Variants in COX16 observed in about 807,000 individuals in gnomAD.
COX16 encodes the protein cytochrome c oxidase assembly protein COX16 homolog, mitochondrial.
Under a neutral mutation model 15.4 loss-of-function variants are expected in COX16, and 12 were observed. That is an observed-to-expected ratio of 0.78 (90% confidence interval 0.50 to 1.26). The LOEUF is 1.26. Ranked by LOEUF, COX16 falls within the 50% of genes most tolerant of loss-of-function variation. The pLI is 0.00. For synonymous variants in COX16, 46 were observed against 41.1 expected, an observed-to-expected ratio of 1.12 and a Z score of -0.46; for missense variants, 124 against 127.6, an observed-to-expected ratio of 0.97 and a Z score of 0.14.
In COX16 at chr14:70,328,864, G is replaced by A. The variant is rs899037859; in HGVS notation, c.204+310C>T. 6.6e-5 allele frequency among the ~76,000 whole-genome samples: 10 copies of A among 151,606 alleles called. No homozygotes were observed. In the East Asian group the frequency reaches 1.9e-3, roughly 29 times the overall value. ...GAACCCATTGATCTTTACTTTTAGAGCTTCTGGGTTTTATATCACATTTAA... is the reference window on the plus strand; with the variant it reads ...GAACCCATTGATCTTTACTTTTAGAACTTCTGGGTTTTATATCACATTTAA... On this transcript the variant is annotated intron_variant, in intron 3 of 3. Coordinates refer to ENST00000389912, the MANE Select transcript of COX16 (RefSeq NM_016468.7).
At chr14:70,337,259 A>C (rs971716177) in intron 2 of COX16, among the ~76,000 whole-genome samples, 2 of 152,164 alleles carry the variant, frequency 1.3e-5, no homozygotes, top group Admixed American at 6.5e-5. Flanking sequence ...ATGTAGGTCC[A>C]TGGACATTAT....
At position 70,353,726 on chromosome 14, in the gene COX16, G is replaced by A. The variant is rs528798470; in HGVS notation, c.69+5793C>T. Among the ~76,000 whole-genome samples the A allele has an allele frequency of 1.6e-4, 25 of 152,088 alleles. No individual in the cohort carries two copies. The South Asian group carries it at 5.0e-3, about 30-fold the overall frequency. ...GACAGGGTTTCACCATATTGGCCAG[G>A]ATGGTCTCAAACTCCTGACCTTGTG... is the stretch of plus-strand genomic sequence containing the variant. On this transcript the variant is annotated intron_variant, in intron 1 of 3. Coordinates refer to ENST00000389912, the MANE Select transcript of COX16 (RefSeq NM_016468.7).
intron 3 of COX16, among the ~76,000 whole-genome samples, chr14:70,327,783 A>G (rs1193266812): frequency 6.6e-6 from 1 of 152,200 alleles, no homozygotes; most frequent in Non-Finnish European, 1.5e-5. Flanking sequence ...ATCTTTGGTG[A>G]AGGAGATTCC....
At chr14:70,357,188 A>AAAAAAAAAAAC (rs1887155582) in intron 1 of COX16, among the ~76,000 whole-genome samples, 1 of 145,120 alleles carries the variant, frequency 6.9e-6, no homozygotes, top group Non-Finnish European at 1.5e-5. Flanking sequence ...AAAAAAAAAA[A>AAAAAAAAAAAC]AAATTCAGAG....
intron 1 of COX16, among the ~76,000 whole-genome samples, chr14:70,357,725 T>C (rs1393123142): frequency 2.6e-5 from 4 of 152,216 alleles, no homozygotes; most frequent in African/African-American, 9.6e-5. Context: ...GAAAGGGTAA[T>C]AATTCAAAAG....
chr14:70,351,612 T>C (rs908221107), intron 1 of COX16, among the ~76,000 whole-genome samples: 1 of 152,204 alleles, frequency 6.6e-6, no homozygotes, highest in African/African-American at 2.4e-5. Context: ...ATTAAAACTA[T>C]TCTTTGGTGT....
chr14:70,341,458 A>T (rs1345506136), intron 2 of COX16, among the ~76,000 whole-genome samples: 1 of 152,188 alleles, frequency 6.6e-6, no homozygotes, highest in Non-Finnish European at 1.5e-5. Context: ...AAAACTACAA[A>T]TATCAGATAT....
intron 2 of COX16, among the ~76,000 whole-genome samples, chr14:70,329,534 A>G (rs1886212078): frequency 1.3e-5 from 2 of 152,088 alleles, no homozygotes; most frequent in Non-Finnish European, 2.9e-5. Context: ...GGAATATGGG[A>G]CACGGGGTTT....
At position 70,326,053 on chromosome 14, in the gene COX16, G is replaced by GA. The variant is rs576050666; in HGVS notation, c.*279dup. ...GGAATATGTGGGTAGTTGGAGAGTG[G>GA]AATACGTGACTCTGTTTTTGGAGCA... is the stretch of plus-strand genomic sequence containing the variant. On this transcript the variant is annotated 3_prime_UTR_variant, in exon 4 of 4. Coordinates refer to ENST00000389912, the MANE Select transcript of COX16 (RefSeq NM_016468.7). 121 of 183,156 alleles carry GA rather than the reference G, an allele frequency of 6.6e-4. No individual in the cohort carries two copies. Among genetic ancestry groups the GA allele is most frequent in the African/African-American group, 2.7e-3 (114 of 42,696 alleles). The allele number at this position is 183,156 out of a possible 1,614,324, so 11.3% of individuals were successfully genotyped here.
At chr14:70,346,821 A>G (rs552667944) in intron 1 of COX16, among the ~76,000 whole-genome samples, 207 of 152,098 alleles carry the variant, frequency 1.4e-3, no homozygotes, top group African/African-American at 4.7e-3. Context: ...TGCTCCCTGC[A>G]CACCTTTTCC....
intron 1 of COX16, among the ~76,000 whole-genome samples, chr14:70,358,890 A>G (rs1024200610): frequency 6.6e-6 from 1 of 152,232 alleles, no homozygotes; most frequent in Non-Finnish European, 1.5e-5. Flanking sequence ...GAAACCATAT[A>G]AACACGGAAG....
At chr14:70,340,496 A>G (rs58854929) in intron 2 of COX16, among the ~76,000 whole-genome samples, 10,770 of 152,274 alleles carry the variant, frequency 0.071, 438 homozygotes, top group Middle Eastern at 0.12. Context: ...TTTTTGTATT[A>G]CATACATTAG....
chr14:70,344,269 G>A (rs530299896), intron 1 of COX16, among the ~76,000 whole-genome samples: 33 of 152,352 alleles, frequency 2.2e-4, no homozygotes, highest in Admixed American at 8.5e-4. Flanking sequence ...TAGCTAATTT[G>A]TTGGTCCTGC....
At chr14:70,357,147 GA>G (rs1397453585) in intron 1 of COX16, among the ~76,000 whole-genome samples, 2 of 97,932 alleles carry the variant, frequency 2.0e-5, no homozygotes, top group Admixed American at 3.2e-4. Flanking sequence ...CTTCTCCTAG[GA>G]AGCGTTTGTC....
At chr14:70,335,602 T>A (rs1485133341) in intron 2 of COX16, among the ~76,000 whole-genome samples, 1 of 83,906 alleles carries the variant, frequency 1.2e-5, no homozygotes, top group African/African-American at 7.2e-5. Flanking sequence ...GACCAAAGAG[T>A]TAAAAAAAAA....
intron 1 of COX16, among the ~76,000 whole-genome samples, chr14:70,352,062 T>TG (rs145175325): frequency 0.02 from 2,997 of 152,306 alleles, 66 homozygotes; most frequent in African/African-American, 0.05. Context: ...TGTGGTAAAT[T>TG]TCATGTGATT....
chr14:70,338,939 A>G lies in COX16; in HGVS notation c.141+3719T>C, dbSNP rs926194462. On this transcript the variant is annotated intron_variant, in intron 2 of 3. Transcript: ENST00000389912. ...TTATTTAACTCCTTAATCCAGTTGT[A>G]TGTGTCCTTCCATATGTCATTAAAG... 3.9e-5 allele frequency among the ~76,000 whole-genome samples: 6 copies of G among 152,172 alleles called. No individual in the cohort carries two copies. The East Asian group carries it at 9.6e-4, about 24-fold the overall frequency.
At chr14:70,350,566 C>T (rs752495333) in intron 1 of COX16, among the ~76,000 whole-genome samples, 1 of 152,156 alleles carries the variant, frequency 6.6e-6, no homozygotes, top group Non-Finnish European at 1.5e-5. Flanking sequence ...TTCTCCTATG[C>T]AAAGAAAACA....
At chr14:70,330,533 A>G (rs536458341) in intron 2 of COX16, among the ~76,000 whole-genome samples, 2 of 152,334 alleles carry the variant, frequency 1.3e-5, no homozygotes, top group East Asian at 3.9e-4. Flanking sequence ...TAAAAATAAC[A>G]GGCCAGCTTC....
Sources: allele counts gnomAD v4.1 joint callset (sites outside exome capture counted in the v4.1 genomes callset), GRCh38; gene constraint gnomAD v4.1.1; transcripts MANE v1.5; gene names NCBI Gene and HGNC (gene_info 2026-07-23, HGNC 2026-07-21).